Variants in CEACAM5 observed in about 807,000 individuals in gnomAD.
CEACAM5 encodes CEA cell adhesion molecule 5.
CEACAM5 carries 52 observed loss-of-function variants against 63.0 expected under a neutral mutation model. The ratio of observed to expected loss-of-function variants is 0.83; its 90% confidence interval spans 0.66 to 1.04. The LOEUF is 1.04. CEACAM5 is among the 50% of genes least tolerant of loss of function. The probability of loss-of-function intolerance (pLI) is 0.00; values close to 1 mark genes in which losing one functional copy is unlikely to be tolerated. For synonymous variants in CEACAM5, 357 were observed against 351.3 expected, an observed-to-expected ratio of 1.02 and a Z score of -0.18; for missense variants, 790 against 864.8, an observed-to-expected ratio of 0.91 and a Z score of 1.08.
intron 8 of CEACAM5, 84 bp from the exon 9 acceptor site, chr19:41,727,150 C>T: frequency 1.0e-6 from 1 of 1,003,442 alleles, no homozygotes; most frequent in Non-Finnish European, 1.6e-6. Flanking sequence ...CTGCTTCATG[C>T]TGAGAGCTGG....
At chr19:41,718,413 G>A (rs782681932) in intron 6 of CEACAM5, 31 bp downstream of exon 6, 3 of 1,604,950 alleles carry the variant, frequency 1.9e-6, no homozygotes, top group Admixed American at 3.4e-5. Flanking sequence ...TTAGCAATAT[G>A]TTCTGGAGCG....
Position 41,723,791 on chromosome 19 carries a change from C to CA in CEACAM5, c.2026+2623dup, listed in dbSNP as rs1207089114. On this transcript the variant is annotated intron_variant, in intron 8 of 9. Transcript: ENST00000221992. ...TGAAACCCCGTCTCTACTAAAAATACAAAAAAAATTATCCAGGCGTGGTGG... is the reference window on the plus strand; with the variant it reads ...TGAAACCCCGTCTCTACTAAAAATACAAAAAAAAATTATCCAGGCGTGGTGG... Among the ~76,000 whole-genome samples the CA allele has an allele frequency of 1.8e-4, 27 of 151,280 alleles. No homozygotes were observed. In the East Asian group the frequency reaches 2.3e-3, roughly 13 times the overall value.
chr19:41,710,920 T>C (rs1272336879), intron 2 of CEACAM5, among the ~76,000 whole-genome samples: 2 of 152,202 alleles, frequency 1.3e-5, no homozygotes, highest in African/African-American at 4.8e-5. Context: ...ATAGCACTTA[T>C]CCTACTTATT....
chr19:41,723,332 A>G (rs1330708846), intron 8 of CEACAM5, among the ~76,000 whole-genome samples: 1 of 152,122 alleles, frequency 6.6e-6, no homozygotes, highest in Non-Finnish European at 1.5e-5. Flanking sequence ...CTCCTTGAAA[A>G]CACTTATTGT....
At position 41,727,288 on chromosome 19, in the gene CEACAM5, G is replaced by T; in HGVS notation, c.2081G>T (p.Gly694Val). The T allele has an allele frequency of 6.2e-7, 1 of 1,614,080 alleles. No individual in the cohort carries two copies. Among genetic ancestry groups the T allele is most frequent in the Non-Finnish European group, 8.5e-7 (1 of 1,179,948 alleles). The part of the protein sequence containing the change: ...SAGATVGIMI[G>V]VLVGVALI ...GGGGCCACTGTCGGCATCATGATTG[G>T]AGTGCTGGTTGGGGTTGCTCTGATA... The change falls in exon 9 of 10, where the codon GGA becomes GTA. Residue 694 changes from glycine (G) to valine (V), a missense_variant. Physicochemically the swap from Gly to Val is moderately radical, Grantham distance 109. Coordinates refer to ENST00000221992, the MANE Select transcript of CEACAM5 (RefSeq NM_004363.6).
chr19:41,720,573 C>A (rs983803594), intron 7 of CEACAM5, among the ~76,000 whole-genome samples: 1 of 130,506 alleles, frequency 7.7e-6, no homozygotes, highest in Non-Finnish European at 1.5e-5. Flanking sequence ...GTGGTGTGAT[C>A]TCGGCTCACT....
At chr19:41,725,533 A>C (rs1383051694) in intron 8 of CEACAM5, among the ~76,000 whole-genome samples, 1 of 151,924 alleles carries the variant, frequency 6.6e-6, no homozygotes, top group Non-Finnish European at 1.5e-5. Flanking sequence ...CCAAGCCTGG[A>C]TAGTTTTTTA....
chr19:41,715,338 G>C, intron 3 of CEACAM5, 89 bp downstream of exon 3: 1 of 1,556,818 alleles, frequency 6.4e-7, no homozygotes, highest in Non-Finnish European at 8.9e-7. Flanking sequence ...TCAGGTTCAA[G>C]TACACAGACC....
chr19:41,723,113 A>C lies in CEACAM5; in HGVS notation c.2026+1937A>C, dbSNP rs183827083. On this transcript the variant is annotated intron_variant, in intron 8 of 9. Transcript: ENST00000221992. ...ATTTTTAGTAGAGACTGAGTTTCAC[A>C]GTGTTAGCCAGGATGGTCTCGATCT... is the stretch of plus-strand genomic sequence containing the variant. Among the ~76,000 whole-genome samples the C allele has an allele frequency of 3.0e-4, 45 of 151,758 alleles. 1 individual carries two copies. Among genetic ancestry groups the C allele is most frequent in the Admixed American group, 5.3e-4 (8 of 15,226 alleles).
At chr19:41,718,932 G>T (rs2072573101) in intron 6 of CEACAM5, among the ~76,000 whole-genome samples, 1 of 152,258 alleles carries the variant, frequency 6.6e-6, no homozygotes, top group East Asian at 1.9e-4. Flanking sequence ...TGTGGAGAAG[G>T]TGCTCAGGTG....
At position 41,718,636 on chromosome 19, in the gene CEACAM5, G is replaced by C. The variant is rs146107449; in HGVS notation, c.1492+254G>C. 1.4e-3 allele frequency among the ~76,000 whole-genome samples: 218 copies of C among 152,316 alleles called. 1 individual carries two copies. The highest frequency in any genetic ancestry group is 4.8e-3 in the African/African-American group (199 of 41,560). The stretch of plus-strand genomic sequence containing the variant: ...CTTCATCAGCCCTGAGCCCTATGTA[G>C]TGGAAGGGGCTTCACAGAGGGGGAA... On this transcript the variant is annotated intron_variant, in intron 6 of 9. Transcript: ENST00000221992.
intron 2 of CEACAM5, 118 bp from the exon 3 acceptor site, chr19:41,714,853 G>C: frequency 1.9e-6 from 3 of 1,544,158 alleles, no homozygotes; most frequent in Non-Finnish European, 2.6e-6. Flanking sequence ...TGCACCCACC[G>C]TGGGTTTTTA....
At chr19:41,725,143 G>C (rs1600477907) in intron 8 of CEACAM5, among the ~76,000 whole-genome samples, 2 of 152,106 alleles carry the variant, frequency 1.3e-5, no homozygotes, top group South Asian at 4.1e-4. Flanking sequence ...TTCATAATTA[G>C]AGTGTTTTTG....
rs150900406 is a variant in CEACAM5 at position 41,715,219 on chromosome 19, C to T, written c.673C>T (p.Arg225Cys). 7.7e-5 allele frequency: 125 copies of T among 1,614,094 alleles called. No homozygotes were observed. In the Admixed American group the frequency reaches 1.3e-3, roughly 17 times the overall value. ...CETQNPVSAR[R>C]SDSVILNVLY... ...AACCCAGAACCCAGTGAGTGCCAGG[C>T]GCAGTGATTCAGTCATCCTGAATGT... The change falls in exon 3 of 10, where the codon CGC becomes TGC. Residue 225 changes from arginine (R) to cysteine (C), a missense_variant. Coordinates refer to ENST00000221992, the MANE Select transcript of CEACAM5 (RefSeq NM_004363.6).
intron 8 of CEACAM5, 120 bp downstream of exon 8, chr19:41,721,296 C>A (rs1279028756): frequency 1.1e-5 from 12 of 1,124,904 alleles, no homozygotes; most frequent in Admixed American, 9.9e-5. Context: ...AAGGAAATCC[C>A]AAATTCTATC....
intron 8 of CEACAM5, among the ~76,000 whole-genome samples, chr19:41,723,423 G>A (rs2072655517): frequency 6.6e-6 from 1 of 152,136 alleles, no homozygotes; most frequent in East Asian, 1.9e-4. Flanking sequence ...GTGATGTTGA[G>A]CATATTTGCA....
chr19:41,727,484 A>C, intron 9 of CEACAM5, 132 bp downstream of exon 9: 2 of 649,626 alleles, frequency 3.1e-6, no homozygotes, highest in South Asian at 3.7e-5. Context: ...CCTGCTTCTC[A>C]GCACTAATTC....
At chr19:41,720,795 C>T (rs540406310) in intron 7 of CEACAM5, 127 bp from the exon 8 acceptor site, 17 of 1,281,200 alleles carry the variant, frequency 1.3e-5, no homozygotes, top group East Asian at 7.0e-5. Flanking sequence ...CCACCGCACC[C>T]GGCCGATTTG....
chr19:41,719,813 T>C (rs781864745), intron 6 of CEACAM5, 117 bp from the exon 7 acceptor site: 16 of 1,544,152 alleles, frequency 1.0e-5, no homozygotes, highest in Non-Finnish European at 1.4e-5. Flanking sequence ...ACACCTGCCA[T>C]GGGCTTTTAA....
Sources: gnomAD v4.1 joint callset for allele counts (sites outside exome capture counted in the v4.1 genomes callset) on GRCh38, gnomAD v4.1.1 for gene constraint, MANE v1.5 for transcripts, NCBI Gene and HGNC (gene_info 2026-07-23, HGNC 2026-07-21) for gene names.